The following DMD variants were observed in gnomAD, a reference collection of about 807,000 sequenced individuals.
DMD encodes the protein dystrophin, also known as mutant dystrophin.
A neutral mutation model predicts 330.1 loss-of-function variants in DMD; 63 were observed. The observed-to-expected ratio is 0.19, with a 90% CI of 0.16 to 0.24. The LOEUF (loss-of-function observed/expected upper bound fraction) is 0.24. DMD is among the 10% of genes least tolerant of loss of function. DMD has a pLI of 1.00. For missense variants in DMD, 3,344 were observed against 2,684.1 expected (o/e 1.25, Z -5.43); for synonymous variants, 1,223 against 959.8 (o/e 1.27, Z -5.07).
intron 61 of DMD, among the ~76,000 whole-genome samples, chrX:31,341,878 TGCGTGC>T (rs1327093340): frequency 5.6e-4 from 38 of 68,026 alleles, no homozygotes; most frequent in African/African-American, 2.4e-3. Context: ...CGTGCGCGCG[TGCGTGC>T]GCGCGCGCAC....
At chrX:32,807,389 A>G (rs976425689) in intron 7 of DMD, among the ~76,000 whole-genome samples, 2 of 111,300 alleles carry the variant, frequency 1.8e-5, no homozygotes, top group East Asian at 5.7e-4. Flanking sequence ...AAGAGTCTAT[A>G]TATAGAAAGG....
In DMD at chrX:32,696,403, T is replaced by A. The variant is rs1252368548; in HGVS notation, c.960+1467A>T. ...CTTGTGATTTGTGCTGTGTCTTTTTTAAATGATAAACATTACATTTATTTG... is the reference window on the plus strand; with the variant it reads ...CTTGTGATTTGTGCTGTGTCTTTTTAAAATGATAAACATTACATTTATTTG... On this transcript the variant is annotated intron_variant, in intron 9 of 78. Transcript: ENST00000357033. 2.7e-5 allele frequency among the ~76,000 whole-genome samples: 3 copies of A among 112,610 alleles called. No individual in the cohort carries two copies. The East Asian group carries it at 8.4e-4, about 31-fold the overall frequency.
intron 1 of DMD, among the ~76,000 whole-genome samples, chrX:33,196,962 G>C (rs1311959864): frequency 9.0e-6 from 1 of 111,053 alleles, no homozygotes; most frequent in Non-Finnish European, 1.9e-5. Context: ...TGTCATATAG[G>C]GTTTTTGGTC....
chrX:32,843,620 C>A (rs1444799297), intron 4 of DMD, among the ~76,000 whole-genome samples: 2 of 111,965 alleles, frequency 1.8e-5, no homozygotes, highest in Admixed American at 1.9e-4. Context: ...TAATCTATCC[C>A]TGCTTATGGT....
At chrX:33,320,708 C>T (rs2054002894) in intron 1 of DMD, among the ~76,000 whole-genome samples, 1 of 112,156 alleles carries the variant, frequency 8.9e-6, no homozygotes, top group African/African-American at 3.2e-5. Context: ...CTTTCTTTCA[C>T]AAAACATTTC....
chrX:32,971,856 A>T (rs1331529114), intron 2 of DMD, among the ~76,000 whole-genome samples: 1 of 111,209 alleles, frequency 9.0e-6, no homozygotes, highest in African/African-American at 3.3e-5. Context: ...AAGAATATTA[A>T]ATCTACCTAA....
At chrX:31,461,098 C>G (rs1274238167) in intron 59 of DMD, among the ~76,000 whole-genome samples, 1 of 111,619 alleles carries the variant, frequency 9.0e-6, no homozygotes, top group Non-Finnish European at 1.9e-5. Context: ...CTATGATGCT[C>G]CCATATCTAA....
intron 9 of DMD, among the ~76,000 whole-genome samples, chrX:32,668,346 A>AT (rs893776857): frequency 1.1e-4 from 12 of 111,701 alleles, no homozygotes; most frequent in Non-Finnish European, 2.1e-4. Context: ...AGACAAGAAT[A>AT]TTTTTTTTAC....
intron 48 of DMD, among the ~76,000 whole-genome samples, chrX:31,853,115 C>T (rs2093559093): frequency 1.8e-5 from 2 of 112,604 alleles, no homozygotes; most frequent in South Asian, 7.2e-4. Flanking sequence ...AACTCCTGGC[C>T]TCAAGTGATC....
chrX:32,384,200 C>T (rs2097943183), intron 33 of DMD, among the ~76,000 whole-genome samples: 1 of 110,007 alleles, frequency 9.1e-6, no homozygotes, highest in African/African-American at 3.3e-5. Context: ...ATCTCTAATA[C>T]ATTTGAGACT....
At chrX:32,375,045 T>C (rs1466823031) in intron 34 of DMD, among the ~76,000 whole-genome samples, 3 of 111,291 alleles carry the variant, frequency 2.7e-5, no homozygotes, top group Admixed American at 9.6e-5. Flanking sequence ...TCTCTCTGAA[T>C]AGAAGTGTTC....
chrX:32,916,435 T>C (rs2087810028), intron 2 of DMD, among the ~76,000 whole-genome samples: 1 of 111,541 alleles, frequency 9.0e-6, no homozygotes, highest in African/African-American at 3.2e-5. Context: ...AGAATGAAAA[T>C]ATAAATCATA....
At chrX:32,252,677 A>ATATAAATATATATATAAAT (rs2097270478) in intron 43 of DMD, among the ~76,000 whole-genome samples, 1 of 33,576 alleles carries the variant, frequency 3.0e-5, no homozygotes, top group Non-Finnish European at 4.8e-5. Context: ...TATATATATA[A>ATATAAATATATATATAAAT]ATATATAAAT....
chrX:33,075,483 C>A (rs2148193971), intron 1 of DMD, among the ~76,000 whole-genome samples: 1 of 112,173 alleles, frequency 8.9e-6, no homozygotes, highest in Admixed American at 9.5e-5. Context: ...ACCTGGGCAG[C>A]AGGAAAGAAG....
chrX:32,723,325 A>G (rs1162346860), intron 7 of DMD, among the ~76,000 whole-genome samples: 1 of 111,246 alleles, frequency 9.0e-6, no homozygotes, highest in Non-Finnish European at 1.9e-5. Context: ...TCTTGCTAAT[A>G]CTTTATTGAG....
At chrX:31,689,172 T>G (rs777180959) in intron 52 of DMD, among the ~76,000 whole-genome samples, 1 of 111,693 alleles carries the variant, frequency 9.0e-6, no homozygotes, top group East Asian at 2.8e-4. Context: ...AAAGAGGAAG[T>G]CAAATTGTCC....
At chrX:33,146,609 A>C (rs2048044427) in intron 1 of DMD, among the ~76,000 whole-genome samples, 1 of 110,780 alleles carries the variant, frequency 9.0e-6, no homozygotes, top group Admixed American at 9.7e-5. Context: ...CAGGATTCCA[A>C]GTCGGGCTTT....
At chrX:32,051,619 C>A (rs1012610472) in intron 44 of DMD, among the ~76,000 whole-genome samples, 7 of 108,730 alleles carry the variant, frequency 6.4e-5, no homozygotes. Context: ...TCCTTAAGAA[C>A]GGCTCAATGA....
chrX:31,428,983 G>T (rs1046242130), intron 60 of DMD, among the ~76,000 whole-genome samples: 2 of 110,477 alleles, frequency 1.8e-5, no homozygotes, highest in African/African-American at 6.6e-5. Context: ...CTAGCTGGGC[G>T]TGGTGGTGGA....
Sources: gnomAD v4.1 joint callset for allele counts (sites outside exome capture counted in the v4.1 genomes callset) on GRCh38, gnomAD v4.1.1 for gene constraint, MANE v1.5 for transcripts, NCBI Gene and HGNC (gene_info 2026-07-23, HGNC 2026-07-21) for gene names.